Variants in ATP8A2 observed in about 807,000 individuals in gnomAD.
The protein encoded by ATP8A2 is ATPase phospholipid transporting 8A2.
ATP8A2 carries 100 observed loss-of-function variants against 165.6 expected under a neutral mutation model. That is an observed-to-expected ratio of 0.60 (90% CI 0.51 to 0.71). ATP8A2 has a LOEUF of 0.71. Among genes scored for constraint, ATP8A2 ranks in the 30% least tolerant of loss-of-function variants. The probability of loss-of-function intolerance (pLI) is 0.00; values close to 1 mark genes in which losing one functional copy is unlikely to be tolerated. For synonymous variants in ATP8A2, 543 were observed against 548.8 expected (o/e 0.99, Z 0.15); for missense variants, 1,227 against 1,479.5 (o/e 0.83, Z 2.80).
chr13:25,822,907 A>G (rs979007736), intron 27 of ATP8A2, among the ~76,000 whole-genome samples: 1 of 152,236 alleles, frequency 6.6e-6, no homozygotes, highest in African/African-American at 2.4e-5. Context: ...TTGAGTATAT[A>G]GAGACTGAAA....
intron 27 of ATP8A2, among the ~76,000 whole-genome samples, chr13:25,783,218 A>G (rs2044931883): frequency 6.6e-6 from 1 of 152,084 alleles, no homozygotes. Flanking sequence ...CCTGGTGCCA[A>G]CCCCATCCCA....
chr13:25,707,231 A>G (rs1235129773), intron 25 of ATP8A2, among the ~76,000 whole-genome samples: 1 of 152,238 alleles, frequency 6.6e-6, no homozygotes, highest in Non-Finnish European at 1.5e-5. Context: ...TAGGAAAAAA[A>G]ACAAGCTTTT....
At chr13:25,955,533 G>A (rs563113318) in intron 33 of ATP8A2, among the ~76,000 whole-genome samples, 2 of 152,268 alleles carry the variant, frequency 1.3e-5, no homozygotes, top group South Asian at 4.1e-4. Flanking sequence ...TAGAAGAAAT[G>A]GATAAATTCC....
intron 24 of ATP8A2, among the ~76,000 whole-genome samples, chr13:25,621,890 A>G (rs1291839345): frequency 1.3e-5 from 2 of 152,108 alleles, no homozygotes; most frequent in African/African-American, 4.8e-5. Context: ...TTAAGCCTTC[A>G]GGCCAGGCAT....
chr13:25,687,181 C>T (rs73154507), intron 24 of ATP8A2, among the ~76,000 whole-genome samples: 11,311 of 152,192 alleles, frequency 0.074, 526 homozygotes, highest in Non-Finnish European at 0.11. Context: ...AGCAGATAGT[C>T]CCCAAACAAG....
rs2037998838 is a variant in ATP8A2 at position 25,530,557 on chromosome 13, T to C, written c.322-5T>C. 1 of 1,550,202 alleles carries C rather than the reference T, an allele frequency of 6.5e-7. No individual in the cohort carries two copies. ...ACTTCCTACTTGTGGTCTCTTATCT[T>C]CCAGCAAATTCCAGATGTATCTCCA... On this transcript the variant is annotated splice_polypyrimidine_tract_variant and splice_region_variant and intron_variant, in intron 3 of 36. Coordinates refer to ENST00000381655, the MANE Select transcript of ATP8A2 (RefSeq NM_016529.6).
chr13:25,459,999 C>T (rs920814499), intron 1 of ATP8A2, among the ~76,000 whole-genome samples: 2 of 152,056 alleles, frequency 1.3e-5, no homozygotes, highest in Non-Finnish European at 2.9e-5. Context: ...GTCAGGAGTT[C>T]AATACTAGTC....
At chr13:25,405,880 C>A (rs995803811) in intron 1 of ATP8A2, among the ~76,000 whole-genome samples, 1 of 152,270 alleles carries the variant, frequency 6.6e-6, no homozygotes, top group Non-Finnish European at 1.5e-5. Flanking sequence ...ACAGCCTTCT[C>A]TGCTTCCCCT....
intron 1 of ATP8A2, among the ~76,000 whole-genome samples, chr13:25,454,870 C>T (rs187062895): frequency 5.3e-5 from 8 of 152,226 alleles, no homozygotes; most frequent in African/African-American, 1.9e-4. Flanking sequence ...TGCAGTGAGC[C>T]GAGATCACGC....
At chr13:25,607,145 C>T (rs1016876986) in intron 24 of ATP8A2, among the ~76,000 whole-genome samples, 1 of 152,082 alleles carries the variant, frequency 6.6e-6, no homozygotes, top group Non-Finnish European at 1.5e-5. Flanking sequence ...AACTAATGCC[C>T]GATGATCTGA....
chr13:25,994,658 T>C (rs1475061166), intron 35 of ATP8A2, among the ~76,000 whole-genome samples: 2 of 152,134 alleles, frequency 1.3e-5, no homozygotes. Flanking sequence ...TTTTTTTCTC[T>C]TTAGCCTGTT....
At chr13:25,549,505 C>T (rs537868481) in intron 10 of ATP8A2, among the ~76,000 whole-genome samples, 1 of 150,668 alleles carries the variant, frequency 6.6e-6, no homozygotes, top group African/African-American at 2.4e-5. Flanking sequence ...TGGAAGGAGA[C>T]CTGCAGGCTG....
At chr13:25,987,390 A>G (rs1281192483) in intron 35 of ATP8A2, among the ~76,000 whole-genome samples, 2 of 152,230 alleles carry the variant, frequency 1.3e-5, no homozygotes, top group African/African-American at 4.8e-5. Context: ...GAAGTTTTAA[A>G]AGAAAGGGTT....
At chr13:25,668,887 G>A (rs1040460737) in intron 24 of ATP8A2, among the ~76,000 whole-genome samples, 14 of 151,932 alleles carry the variant, frequency 9.2e-5, no homozygotes, top group East Asian at 1.9e-4. Flanking sequence ...TGTTTGATTC[G>A]TTTTTATAAT....
intron 27 of ATP8A2, among the ~76,000 whole-genome samples, chr13:25,811,509 G>T (rs969517575): frequency 6.6e-6 from 1 of 151,968 alleles, no homozygotes; most frequent in East Asian, 1.9e-4. Context: ...TCCTTGCCCC[G>T]GTTGTACTTC....
At chr13:25,670,767 A>T (rs2042247461) in intron 24 of ATP8A2, among the ~76,000 whole-genome samples, 1 of 152,190 alleles carries the variant, frequency 6.6e-6, no homozygotes, top group African/African-American at 2.4e-5. Flanking sequence ...CAGTCCAGCT[A>T]TGTGCTCATT....
At chr13:25,450,564 C>T (rs552466988) in intron 1 of ATP8A2, among the ~76,000 whole-genome samples, 3 of 152,190 alleles carry the variant, frequency 2.0e-5, no homozygotes, top group Non-Finnish European at 4.4e-5. Context: ...CGGAGTCTCG[C>T]TCTGTCGCCC....
chr13:25,995,109 G>A (rs1450104502), intron 35 of ATP8A2, among the ~76,000 whole-genome samples: 2 of 151,880 alleles, frequency 1.3e-5, no homozygotes, highest in Non-Finnish European at 2.9e-5. Flanking sequence ...TCAAACACAT[G>A]TGTAGAATTG....
chr13:25,717,561 T>G (rs2043283900), intron 25 of ATP8A2, among the ~76,000 whole-genome samples: 2 of 152,210 alleles, frequency 1.3e-5, no homozygotes. Flanking sequence ...TGTGCTACTT[T>G]AATGTACTTC....
Sources: allele counts gnomAD v4.1 joint callset (sites outside exome capture counted in the v4.1 genomes callset), GRCh38; gene constraint gnomAD v4.1.1; transcripts MANE v1.5; gene names NCBI Gene and HGNC (gene_info 2026-07-23, HGNC 2026-07-21).